Variants in RIMS1 observed in about 807,000 individuals in gnomAD.
RIMS1 encodes the protein regulating synaptic membrane exocytosis protein 1.
A neutral mutation model predicts 214.1 loss-of-function variants in RIMS1; 83 were observed. The ratio of observed to expected loss-of-function variants is 0.39; its 90% confidence interval spans 0.32 to 0.47. The LOEUF is 0.47. Ranked by LOEUF, RIMS1 falls within the 20% of genes least tolerant of loss-of-function variation. The pLI, the probability that RIMS1 is intolerant of heterozygous loss-of-function variation, is 0.99. For missense variants in RIMS1, 2,050 were observed against 2,161.8 expected (o/e 0.95, Z 1.03); for synonymous variants, 793 against 786.8 (o/e 1.01, Z -0.13).
At chr6:72,376,919 A>C (rs567741698) in intron 29 of RIMS1, among the ~76,000 whole-genome samples, 69 of 152,310 alleles carry the variant, frequency 4.5e-4, no homozygotes, top group African/African-American at 1.5e-3. Flanking sequence ...TAAAGGATTC[A>C]TTGTTTACGA....
chr6:72,293,997 T>C (rs2154256736), intron 26 of RIMS1, among the ~76,000 whole-genome samples: 1 of 151,698 alleles, frequency 6.6e-6, no homozygotes, highest in South Asian at 2.1e-4. Flanking sequence ...CATACAGCTT[T>C]TAAGAAATGT....
intron 8 of RIMS1, among the ~76,000 whole-genome samples, chr6:72,237,464 C>T (rs866807781): frequency 5.9e-5 from 9 of 151,828 alleles, no homozygotes; most frequent in Non-Finnish European, 8.8e-5. Flanking sequence ...TGCTTGAGCC[C>T]GGGAGTTCAA....
intron 10 of RIMS1, among the ~76,000 whole-genome samples, chr6:72,244,969 CA>C (rs1562997657): frequency 6.6e-6 from 1 of 151,770 alleles, no homozygotes; most frequent in African/African-American, 2.4e-5. Context: ...TTAATATTTG[CA>C]TATTGTTAAT....
intron 2 of RIMS1, among the ~76,000 whole-genome samples, chr6:72,042,854 T>G (rs1821842995): frequency 6.6e-6 from 1 of 151,840 alleles, no homozygotes; most frequent in Non-Finnish European, 1.5e-5. Flanking sequence ...GATGTTTGAA[T>G]AAGATGTAAA....
intron 2 of RIMS1, among the ~76,000 whole-genome samples, chr6:71,969,307 G>A (rs1009616301): frequency 6.6e-6 from 1 of 152,112 alleles, no homozygotes; most frequent in African/African-American, 2.4e-5. Flanking sequence ...TTTTCTTAGG[G>A]CTCTAAAATG....
At chr6:71,903,805 T>C (rs188309445) in intron 1 of RIMS1, among the ~76,000 whole-genome samples, 1 of 152,164 alleles carries the variant, frequency 6.6e-6, no homozygotes, top group East Asian at 1.9e-4. Flanking sequence ...TGCATGCATA[T>C]TAAGTCTGCA....
chr6:71,917,677 G>A (rs76296701), intron 1 of RIMS1, among the ~76,000 whole-genome samples: 3,309 of 152,254 alleles, frequency 0.022, 118 homozygotes, highest in African/African-American at 0.074. Flanking sequence ...AGAATATACT[G>A]TGAGGAGACA....
intron 1 of RIMS1, among the ~76,000 whole-genome samples, chr6:71,950,864 A>G (rs986998507): frequency 3.9e-5 from 6 of 152,198 alleles, no homozygotes; most frequent in Non-Finnish European, 7.3e-5. Context: ...GGAAAACTCA[A>G]AAGGAAGAAT....
intron 29 of RIMS1, among the ~76,000 whole-genome samples, chr6:72,352,298 A>G (rs2097480864): frequency 6.6e-6 from 1 of 152,230 alleles, no homozygotes; most frequent in African/African-American, 2.4e-5. Flanking sequence ...AGGTACATAC[A>G]ATGAGTCATA....
rs1422753715 is a variant in RIMS1, at chr6:72,162,677, G to C, written c.472-16898G>C. ...AGTTTGGCTGGATATGAAATTCTGGGTTGAAAATTCTTTTCTTTAAGAATG... is the reference window on the plus strand; with the variant it reads ...AGTTTGGCTGGATATGAAATTCTGGCTTGAAAATTCTTTTCTTTAAGAATG... On this transcript the variant is annotated intron_variant, in intron 4 of 33. Coordinates refer to ENST00000521978, the MANE Select transcript of RIMS1 (RefSeq NM_014989.7). Among the ~76,000 whole-genome samples the C allele has an allele frequency of 3.6e-5, 5 of 140,286 alleles. 1 individual carries two copies. Among genetic ancestry groups the C allele is most frequent in the Non-Finnish European group, 6.5e-5 (4 of 61,808 alleles). 92.0% of individuals were successfully genotyped at this position (140,286 alleles called of 152,430 possible).
chr6:72,231,397 T>C (rs2061917091), intron 6 of RIMS1, among the ~76,000 whole-genome samples: 1 of 151,740 alleles, frequency 6.6e-6, no homozygotes, highest in African/African-American at 2.4e-5. Context: ...TATAATTGTA[T>C]ACTAAAATAT....
At chr6:71,929,673 A>G (rs1284476500) in intron 1 of RIMS1, among the ~76,000 whole-genome samples, 1 of 152,036 alleles carries the variant, frequency 6.6e-6, no homozygotes, top group East Asian at 1.9e-4. Context: ...GATCTGGGTC[A>G]GTTCAGCACT....
At chr6:72,379,802 A>C (rs1022307234) in intron 29 of RIMS1, among the ~76,000 whole-genome samples, 2 of 152,190 alleles carry the variant, frequency 1.3e-5, no homozygotes, top group African/African-American at 4.8e-5. Context: ...CAGAACTAGT[A>C]AGTGGTAGAG....
intron 1 of RIMS1, among the ~76,000 whole-genome samples, chr6:71,900,427 A>G (rs1773248999): frequency 6.6e-6 from 1 of 152,118 alleles, no homozygotes; most frequent in African/African-American, 2.4e-5. Context: ...ATATGATATA[A>G]TCTTATTAGC....
intron 2 of RIMS1, among the ~76,000 whole-genome samples, chr6:72,072,354 G>A (rs529162647): frequency 1.1e-3 from 166 of 152,282 alleles, no homozygotes; most frequent in African/African-American, 3.9e-3. Context: ...ACAAGACAGA[G>A]CCACATAAAA....
intron 6 of RIMS1, among the ~76,000 whole-genome samples, chr6:72,229,563 A>G (rs1310445359): frequency 6.6e-6 from 1 of 151,882 alleles, no homozygotes; most frequent in Non-Finnish European, 1.5e-5. Context: ...ACTTTGCTGT[A>G]TAGCAAATTA....
chr6:71,886,775 C>T lies in RIMS1; in HGVS notation c.-249C>T. On this transcript the variant is annotated 5_prime_UTR_variant, in exon 1 of 34. Coordinates refer to ENST00000521978, the MANE Select transcript of RIMS1 (RefSeq NM_014989.7). ...GCTGCGGGAGGCGGCCGGGCGGCCC[C>T]GAGCTTCGCTAGGGCGACCAAAACA... is the stretch of plus-strand genomic sequence containing the variant. 2 of 354,344 alleles carry T rather than the reference C, an allele frequency of 5.6e-6. No homozygotes were observed. Among genetic ancestry groups the T allele is most frequent in the Non-Finnish European group, 1.0e-5 (2 of 199,244 alleles). The allele number at this position is 354,344 out of a possible 1,614,324, so 21.9% of individuals were successfully genotyped here.
In RIMS1 at chr6:72,075,253, A is replaced by AAAAAC. The variant is rs965907581; in HGVS notation, c.246-21677_246-21673dup. 7.2e-5 allele frequency among the ~76,000 whole-genome samples: 11 copies of AAAAAC among 152,058 alleles called. No homozygotes were observed. In the South Asian group the frequency reaches 8.3e-4, roughly 11 times the overall value. On this transcript the variant is annotated intron_variant, in intron 2 of 33. Transcript: ENST00000521978. ...TATACCAGCACACCTAGCTAATTAAAAAAACAAAACAAAACAAAACAAACA... is the reference window on the plus strand; with the variant it reads ...TATACCAGCACACCTAGCTAATTAAAAAAACAAAACAAAACAAAACAAAACAAACA...
chr6:71,985,839 A>G (rs561586494), intron 2 of RIMS1, among the ~76,000 whole-genome samples: 2 of 151,824 alleles, frequency 1.3e-5, no homozygotes, highest in Non-Finnish European at 1.5e-5. Flanking sequence ...ATATGTATGG[A>G]CACACACACA....
Sources: allele counts gnomAD v4.1 joint callset (sites outside exome capture counted in the v4.1 genomes callset), GRCh38; gene constraint gnomAD v4.1.1; transcripts MANE v1.5; gene names NCBI Gene and HGNC (gene_info 2026-07-23, HGNC 2026-07-21).